Variants in SDK1 observed in about 807,000 individuals in gnomAD.
The protein encoded by SDK1 is sidekick cell adhesion molecule 1.
A neutral mutation model predicts 245.5 loss-of-function variants in SDK1; 157 were observed. The observed-to-expected ratio is 0.64, with a 90% CI of 0.56 to 0.73. The LOEUF (loss-of-function observed/expected upper bound fraction) is 0.73. SDK1 is among the 30% of genes least tolerant of loss of function. The pLI is 0.00. For synonymous variants in SDK1, 1,647 were observed against 1,278.5 expected (o/e 1.29, Z -6.15); for missense variants, 3,583 against 3,002.3 (o/e 1.19, Z -4.52).
At chr7:4,037,305 G>A (rs754426981) in intron 17 of SDK1, among the ~76,000 whole-genome samples, 10 of 152,174 alleles carry the variant, frequency 6.6e-5, no homozygotes, top group Non-Finnish European at 1.2e-4. Context: ...GATGTGTAGC[G>A]TGAGTCTGAA....
chr7:4,035,376 G>T (rs1028361214), intron 17 of SDK1, among the ~76,000 whole-genome samples: 4 of 152,180 alleles, frequency 2.6e-5, no homozygotes, highest in African/African-American at 9.7e-5. Context: ...TACTGAGTTG[G>T]TGGCATAACA....
intron 1 of SDK1, among the ~76,000 whole-genome samples, chr7:3,534,524 C>T (rs1778813809): frequency 6.6e-6 from 1 of 152,190 alleles, no homozygotes; most frequent in Non-Finnish European, 1.5e-5. Context: ...ATTCAAATTT[C>T]TCCACATCCT....
intron 5 of SDK1, among the ~76,000 whole-genome samples, chr7:3,859,265 C>T (rs1460055382): frequency 3.3e-5 from 5 of 152,114 alleles, no homozygotes; most frequent in Non-Finnish European, 2.9e-5. Context: ...AGCTGGGAGG[C>T]TGGGCTGGAG....
intron 1 of SDK1, among the ~76,000 whole-genome samples, chr7:3,396,064 T>A (rs1287227071): frequency 2.0e-5 from 3 of 151,874 alleles, no homozygotes; most frequent in Non-Finnish European, 4.4e-5. Context: ...ATTTGAGATT[T>A]TTTTCTTTAA....
At chr7:3,918,185 A>G (rs1052119560) in intron 5 of SDK1, among the ~76,000 whole-genome samples, 1 of 152,002 alleles carries the variant, frequency 6.6e-6, no homozygotes. Context: ...TTCCCTCTCA[A>G]CACCGCGGTA....
intron 5 of SDK1, among the ~76,000 whole-genome samples, chr7:3,908,141 C>G (rs929708608): frequency 2.8e-4 from 42 of 152,150 alleles, no homozygotes; most frequent in African/African-American, 9.2e-4. Context: ...AGAAAATTAA[C>G]CCTGGAGTAA....
At chr7:3,558,617 GA>G (rs1329464279) in intron 1 of SDK1, among the ~76,000 whole-genome samples, 2 of 152,214 alleles carry the variant, frequency 1.3e-5, no homozygotes, top group Non-Finnish European at 2.9e-5. Flanking sequence ...GGAGGGGGCA[GA>G]GGGGCAATGC....
At chr7:4,220,660 G>C (rs1485513376) in intron 39 of SDK1, among the ~76,000 whole-genome samples, 1 of 152,132 alleles carries the variant, frequency 6.6e-6, no homozygotes, top group Non-Finnish European at 1.5e-5. Flanking sequence ...TTTGTTTAAA[G>C]ACAGGAAGGC....
intron 4 of SDK1, among the ~76,000 whole-genome samples, chr7:3,684,566 C>T (rs1299222054): frequency 6.6e-6 from 1 of 152,132 alleles, no homozygotes; most frequent in Non-Finnish European, 1.5e-5. Context: ...TTATATCATA[C>T]CCAAAATATG....
intron 1 of SDK1, among the ~76,000 whole-genome samples, chr7:3,464,453 C>G (rs372226409): frequency 6.6e-5 from 10 of 152,112 alleles, no homozygotes; most frequent in African/African-American, 2.4e-4. Context: ...CCGAAGGGCT[C>G]AAGGCTACAG....
chr7:3,938,075 G>A (rs927151208), intron 5 of SDK1, among the ~76,000 whole-genome samples: 8 of 152,068 alleles, frequency 5.3e-5, no homozygotes, highest in East Asian at 3.9e-4. Context: ...GACCTCAGGC[G>A]ATCCACCTGC....
chr7:3,700,937 A>G (rs1784720566), intron 4 of SDK1, among the ~76,000 whole-genome samples: 1 of 152,084 alleles, frequency 6.6e-6, no homozygotes, highest in Non-Finnish European at 1.5e-5. Context: ...CTTCACTGAT[A>G]GGAGATTGGT....
chr7:3,514,475 G>T (rs1398339534), intron 1 of SDK1, among the ~76,000 whole-genome samples: 1 of 152,180 alleles, frequency 6.6e-6, no homozygotes, highest in African/African-American at 2.4e-5. Flanking sequence ...ATGTAGAGAG[G>T]TAGATAGTCC....
chr7:3,986,800 C>T (rs187734648), intron 13 of SDK1, among the ~76,000 whole-genome samples: 52 of 152,310 alleles, frequency 3.4e-4, no homozygotes, highest in African/African-American at 1.2e-3. Flanking sequence ...GCGGAGGTTG[C>T]AGTGAGCCGA....
intron 1 of SDK1, among the ~76,000 whole-genome samples, chr7:3,509,809 A>G (rs1330897534): frequency 1.3e-5 from 2 of 152,218 alleles, no homozygotes; most frequent in Non-Finnish European, 2.9e-5. Context: ...CCCAGGACAT[A>G]CAGAAAATGA....
chr7:3,635,302 C>T (rs1370219046), intron 2 of SDK1, among the ~76,000 whole-genome samples: 1 of 151,964 alleles, frequency 6.6e-6, no homozygotes, highest in African/African-American at 2.4e-5. Flanking sequence ...TTTATTAATC[C>T]TTCCCTAGGA....
At chr7:3,955,840 G>C (rs1373386704) in intron 7 of SDK1, among the ~76,000 whole-genome samples, 1 of 152,172 alleles carries the variant, frequency 6.6e-6, no homozygotes, top group East Asian at 1.9e-4. Context: ...GCATTTTGGA[G>C]AGTGAGGTCA....
At chr7:3,335,948 C>A (rs572887611) in intron 1 of SDK1, among the ~76,000 whole-genome samples, 1 of 152,094 alleles carries the variant, frequency 6.6e-6, no homozygotes, top group Non-Finnish European at 1.5e-5. Flanking sequence ...TGTGGCCACT[C>A]TAGAGTCCTG....
At chr7:4,181,405 G>A (rs1433002397) in intron 35 of SDK1, among the ~76,000 whole-genome samples, 1 of 152,238 alleles carries the variant, frequency 6.6e-6, no homozygotes, top group African/African-American at 2.4e-5. Context: ...TGTGAGTGTG[G>A]GAGAGCGAAG....
Sources: allele counts gnomAD v4.1 joint callset (sites outside exome capture counted in the v4.1 genomes callset), GRCh38; gene constraint gnomAD v4.1.1; transcripts MANE v1.5; gene names NCBI Gene and HGNC (gene_info 2026-07-23, HGNC 2026-07-21).